The following TTC27 variants were observed in gnomAD, a reference collection of about 807,000 sequenced individuals.
TTC27 encodes tetratricopeptide repeat domain 27, also known as tetratricopeptide repeat protein 27.
A neutral mutation model predicts 115.9 loss-of-function variants in TTC27; 79 were observed. The ratio of observed to expected loss-of-function variants is 0.68; its 90% CI spans 0.57 to 0.82. The LOEUF (loss-of-function observed/expected upper bound fraction) is 0.82, where lower values mean the gene tolerates loss of function less well. Among genes scored for constraint, TTC27 ranks in the 40% least tolerant of loss-of-function variants. The probability of loss-of-function intolerance (pLI) is 0.00; values close to 1 mark genes in which losing one functional copy is unlikely to be tolerated. For missense variants in TTC27, 1,054 were observed against 993.1 expected, an observed-to-expected ratio of 1.06 and a Z score of -0.82; for synonymous variants, 401 against 356.0, an observed-to-expected ratio of 1.13 and a Z score of -1.42.
intron 14 of TTC27, among the ~76,000 whole-genome samples, chr2:32,779,846 C>T (rs1468288375): frequency 6.6e-6 from 1 of 152,184 alleles, no homozygotes; most frequent in Non-Finnish European, 1.5e-5. Flanking sequence ...AGGGGTCCAA[C>T]TTCATTCTTT....
At chr2:32,792,771 T>G (rs892170746) in intron 16 of TTC27, among the ~76,000 whole-genome samples, 7 of 152,246 alleles carry the variant, frequency 4.6e-5, no homozygotes, top group African/African-American at 1.7e-4. Flanking sequence ...GCCAGTGCCT[T>G]GCACTTTAGG....
chr2:32,780,538 C>T (rs918975181), intron 14 of TTC27, among the ~76,000 whole-genome samples: 6 of 152,272 alleles, frequency 3.9e-5, no homozygotes, highest in Middle Eastern at 3.4e-3. Flanking sequence ...CTCCCAGGTT[C>T]AAGCAATTCT....
In TTC27 at chr2:32,817,005, A is replaced by G. The variant is rs149824927; in HGVS notation, c.2309-452A>G. Among the ~76,000 whole-genome samples, 47 of 152,272 alleles carry G rather than the reference A, an allele frequency of 3.1e-4. No homozygotes were observed. The East Asian group carries it at 8.1e-3, about 26-fold the overall frequency. The stretch of plus-strand genomic sequence containing the variant: ...TGTGTGTGCTCGAATGCATGCGTGT[A>G]TATGTGTTTAGGGTCTCTTCCCAGT... On this transcript the variant is annotated intron_variant, in intron 18 of 19. Transcript: ENST00000317907.
intron 4 of TTC27, 35 bp downstream of exon 4, chr2:32,640,445 A>T: frequency 6.2e-7 from 1 of 1,606,348 alleles, no homozygotes; most frequent in Non-Finnish European, 8.5e-7. Context: ...ATACCCTGGT[A>T]TGACTTTTGT....
rs760955028 is a variant in TTC27 at position 32,779,210 on chromosome 2, A to G, written c.1779+1230A>G. ...CTTACTCCAGCCTGGGTGACAGAGC[A>G]AGATTCTGTCTCAAAAAAAAAACAA... On this transcript the variant is annotated intron_variant, in intron 14 of 19. Coordinates refer to ENST00000317907, the MANE Select transcript of TTC27 (RefSeq NM_017735.5). Among the ~76,000 whole-genome samples the G allele has an allele frequency of 4.6e-5, 7 of 150,650 alleles. No homozygotes were observed. The South Asian group carries it at 1.5e-3, about 32-fold the overall frequency.
chr2:32,649,598 G>T (rs1665007123), intron 4 of TTC27, among the ~76,000 whole-genome samples: 1 of 150,788 alleles, frequency 6.6e-6, no homozygotes, highest in African/African-American at 2.4e-5. Flanking sequence ...AGGCTAGAGT[G>T]CAATGGTGCA....
intron 9 of TTC27, among the ~76,000 whole-genome samples, chr2:32,697,158 C>G (rs537548283): frequency 6.6e-6 from 1 of 151,088 alleles, no homozygotes; most frequent in East Asian, 2.0e-4. Flanking sequence ...CACCACTGCA[C>G]TCTAGCTTGG....
At chr2:32,656,603 G>A (rs1010492585) in intron 5 of TTC27, among the ~76,000 whole-genome samples, 4 of 152,134 alleles carry the variant, frequency 2.6e-5, no homozygotes, top group African/African-American at 9.7e-5. Flanking sequence ...TGATCACCAC[G>A]AAAGGGTTTT....
At chr2:32,811,718 C>T (rs113294550) in intron 17 of TTC27, among the ~76,000 whole-genome samples, 14 of 152,270 alleles carry the variant, frequency 9.2e-5, no homozygotes, top group African/African-American at 1.4e-4. Context: ...CTCACAAGTG[C>T]GATAGAACAC....
intron 5 of TTC27, among the ~76,000 whole-genome samples, chr2:32,661,945 A>G (rs1451683766): frequency 6.6e-6 from 1 of 152,164 alleles, no homozygotes; most frequent in African/African-American, 2.4e-5. Context: ...CCGTTCCATC[A>G]ATACCTAGTT....
chr2:32,733,977 A>G, intron 11 of TTC27, 54 bp downstream of exon 11: 1 of 1,173,166 alleles, frequency 8.5e-7, no homozygotes, highest in Non-Finnish European at 1.2e-6. Context: ...TAGAAAGGTA[A>G]ATGCATTATA....
chr2:32,649,063 A>G (rs1367045843), intron 4 of TTC27, among the ~76,000 whole-genome samples: 1 of 152,166 alleles, frequency 6.6e-6, no homozygotes, highest in Non-Finnish European at 1.5e-5. Flanking sequence ...TCAGAAATGT[A>G]TGGCTCAAAT....
intron 5 of TTC27, among the ~76,000 whole-genome samples, chr2:32,663,981 C>T (rs1665662709): frequency 6.8e-6 from 1 of 147,790 alleles, no homozygotes; most frequent in Non-Finnish European, 1.5e-5. Context: ...CTGCGCCCGT[C>T]CCCCCACTAT....
At chr2:32,726,268 C>G (rs951653007) in intron 10 of TTC27, among the ~76,000 whole-genome samples, 7 of 152,236 alleles carry the variant, frequency 4.6e-5, no homozygotes, top group Non-Finnish European at 8.8e-5. Flanking sequence ...TCTTTTCTAT[C>G]GCATTGGCAG....
intron 13 of TTC27, among the ~76,000 whole-genome samples, chr2:32,771,036 T>G (rs1669812679): frequency 6.6e-6 from 1 of 152,210 alleles, no homozygotes; most frequent in African/African-American, 2.4e-5. Flanking sequence ...ATGTGAGTAC[T>G]GTGATAACAT....
chr2:32,820,399 G>A (rs1671649612), intron 19 of TTC27, among the ~76,000 whole-genome samples: 1 of 152,158 alleles, frequency 6.6e-6, no homozygotes, highest in Non-Finnish European at 1.5e-5. Flanking sequence ...TGAGGCCTAA[G>A]CGAAATTAAT....
At position 32,656,887 on chromosome 2, in the gene TTC27, T is replaced by C. The variant is rs184862501; in HGVS notation, c.640+6654T>C. ...TGCATATTGAATCATTCAATAATGA[T>C]TGTGTGTCTTCTCTTCTTAGCTACC... On this transcript the variant is annotated intron_variant, in intron 5 of 19. Coordinates refer to ENST00000317907, the MANE Select transcript of TTC27 (RefSeq NM_017735.5). Among the ~76,000 whole-genome samples, 433 of 152,356 alleles carry C rather than the reference T, an allele frequency of 2.8e-3. 4 individuals are homozygous for C. Among genetic ancestry groups the C allele is most frequent in the Middle Eastern group, 0.01 (3 of 294 alleles).
intron 16 of TTC27, among the ~76,000 whole-genome samples, chr2:32,795,854 T>C (rs1470058628): frequency 6.6e-6 from 1 of 151,874 alleles, no homozygotes; most frequent in African/African-American, 2.4e-5. Context: ...GCTGGGATTA[T>C]AGGTGTGAGC....
At chr2:32,806,012 G>A (rs1671117963) in intron 16 of TTC27, among the ~76,000 whole-genome samples, 1 of 152,088 alleles carries the variant, frequency 6.6e-6, no homozygotes, top group Admixed American at 6.6e-5. Flanking sequence ...CATAACAGAG[G>A]CCTTAGTCTT....
Sources: gnomAD v4.1 joint callset for allele counts (sites outside exome capture counted in the v4.1 genomes callset) on GRCh38, gnomAD v4.1.1 for gene constraint, MANE v1.5 for transcripts, NCBI Gene and HGNC (gene_info 2026-07-23, HGNC 2026-07-21) for gene names.